ZNF599: variants seen among roughly 807,000 people sequenced by gnomAD.
The protein encoded by ZNF599 is zinc finger protein 599.
In ZNF599, 10 loss-of-function variants were observed where a neutral mutation model predicts 11.7. The ratio of observed to expected loss-of-function variants is 0.86; its 90% CI spans 0.53 to 1.45. The LOEUF is 1.45. Among genes scored for constraint, ZNF599 ranks in the 40% most tolerant of loss-of-function variants. ZNF599 has a pLI of 0.00. For missense variants in ZNF599, 688 were observed against 713.6 expected (o/e 0.96, Z 0.41); for synonymous variants, 232 against 253.2 (o/e 0.92, Z 0.79).
upstream of ZNF599, among the ~76,000 whole-genome samples, chr19:34,776,788 C>A (rs1290699191): frequency 3.3e-5 from 5 of 152,200 alleles, no homozygotes; most frequent in Admixed American, 6.5e-5. Flanking sequence ...CAGAGCAGGG[C>A]TACCCCATCG....
the ZNF599 span, among the ~76,000 whole-genome samples, chr19:34,805,653 C>T: frequency 6.6e-6 from 1 of 152,152 alleles, no homozygotes; most frequent in Admixed American, 6.5e-5. Flanking sequence ...CCTGCCTCCT[C>T]CCTCACTCTC....
the ZNF599 span, among the ~76,000 whole-genome samples, chr19:34,795,143 G>A: frequency 6.6e-6 from 1 of 152,178 alleles, no homozygotes; most frequent in East Asian, 1.9e-4. Flanking sequence ...AAAGATCAGT[G>A]GTAACAGAGC....
At chr19:34,802,778 G>A in the ZNF599 span, among the ~76,000 whole-genome samples, 1 of 152,060 alleles carries the variant, frequency 6.6e-6, no homozygotes, top group Non-Finnish European at 1.5e-5. Context: ...CACTTAATAG[G>A]GCCAGGACCC....
chr19:34,765,319 T>G, intron 3 of ZNF599: 1 of 486,942 alleles, frequency 2.1e-6, no homozygotes, highest in Non-Finnish European at 3.7e-6. Context: ...AAAATATATG[T>G]AATTTTATAA....
chr19:34,803,849 C>T, the ZNF599 span, among the ~76,000 whole-genome samples: 1 of 152,206 alleles, frequency 6.6e-6, no homozygotes, highest in African/African-American at 2.4e-5. Flanking sequence ...GACACACTCC[C>T]TCTCCATGTG....
rs1253279356 is a variant in ZNF599, at chr19:34,759,850, C to T, written c.951G>A (p.Gly317=). The part of the protein sequence containing the change: ...REKPFLCKEC[G]KAFYYSSSFA... ...ATGAGGAGCTGTAGTAAAAAGCTTT[C>T]CCACATTCTTTGCATAAAAAGGGTT... is the stretch of plus-strand genomic sequence containing the variant. Residue 317 remains glycine (G), a synonymous_variant, in exon 4 of 4, where the codon GGG becomes GGA. Transcript: ENST00000329285. 6.2e-7 allele frequency: 1 copy of T among 1,614,036 alleles called. No homozygotes were observed. The highest frequency in any genetic ancestry group is 8.5e-7 in the Non-Finnish European group (1 of 1,180,034).
intron 1 of ZNF599, chr19:34,772,414 A>G (rs1044403789): frequency 2.9e-6 from 3 of 1,022,232 alleles, no homozygotes; most frequent in Non-Finnish European, 3.5e-6. Flanking sequence ...CCCTAAAACA[A>G]CAGCAGGACC....
chr19:34,798,246 C>T, the ZNF599 span, among the ~76,000 whole-genome samples: 34 of 152,266 alleles, frequency 2.2e-4, no homozygotes, highest in African/African-American at 6.0e-4. Flanking sequence ...TAGATAAATG[C>T]GTTACAATCA....
intron 1 of ZNF599, among the ~76,000 whole-genome samples, chr19:34,770,432 C>T (rs1298750552): frequency 2.6e-5 from 4 of 152,196 alleles, no homozygotes; most frequent in African/African-American, 9.7e-5. Flanking sequence ...GAAAATATTG[C>T]CAGAGGTATG....
the ZNF599 span, among the ~76,000 whole-genome samples, chr19:34,786,247 C>T: frequency 6.6e-6 from 1 of 152,092 alleles, no homozygotes; most frequent in Non-Finnish European, 1.5e-5. Context: ...CCAGAATCCC[C>T]CCTTACCTCT....
the ZNF599 span, among the ~76,000 whole-genome samples, chr19:34,781,159 A>C: frequency 1.4e-5 from 2 of 140,690 alleles, no homozygotes; most frequent in Non-Finnish European, 3.2e-5. Context: ...CTGTCTCAAA[A>C]AAAAATAAAA....
At chr19:34,772,782 C>T in intron 1 of ZNF599, 42 bp downstream of exon 1, 1 of 1,535,102 alleles carries the variant, frequency 6.5e-7, no homozygotes, top group Non-Finnish European at 8.7e-7. Flanking sequence ...TGCATGCGGG[C>T]GGTGACCCGA....
chr19:34,759,395 T>TGTCCACTGTGG lies in ZNF599; in HGVS notation c.1405_1406insCCACAGTGGAC (p.His469ProfsTer34), dbSNP rs1440648368. 6.2e-7 allele frequency: 1 copy of TGTCCACTGTGG among 1,614,038 alleles called. No homozygotes were observed. Among genetic ancestry groups the TGTCCACTGTGG allele is most frequent in the Non-Finnish European group, 8.5e-7 (1 of 1,180,024 alleles). On this transcript the variant is annotated frameshift_variant, in exon 4 of 4. Coordinates refer to ENST00000329285, the MANE Select transcript of ZNF599 (RefSeq NM_001007248.3). LOFTEE classifies it low-confidence loss of function (END_TRUNC). ...TTTTTGTCCACTGTGGGTCCTATTA[T>TGTCCACTGTGG]GTCGAATAAAAACAGAGTGGTGTGT... is the stretch of plus-strand genomic sequence containing the variant.
In ZNF599 at chr19:34,758,302, C is replaced by G. The variant is rs1036922457; in HGVS notation, c.*732G>C. 1 of 152,186 alleles carries G rather than the reference C, an allele frequency of 6.6e-6. No individual in the cohort carries two copies. The highest frequency in any genetic ancestry group is 1.5e-5 in the Non-Finnish European group (1 of 68,048). 9.4% of individuals were successfully genotyped at this position (152,186 alleles called of 1,614,324 possible). ...AGTGTGCACAGAAAATTCACAGAAC[C>G]TAACTACCACGAGTAACAATTCACT... is the stretch of plus-strand genomic sequence containing the variant. On this transcript the variant is annotated 3_prime_UTR_variant, in exon 4 of 4. Coordinates refer to ENST00000329285, the MANE Select transcript of ZNF599 (RefSeq NM_001007248.3).
At chr19:34,773,254 G>T (rs1046978901), upstream of ZNF599, 1 of 203,940 alleles carries the variant, frequency 4.9e-6, no homozygotes, top group African/African-American at 2.3e-5. Flanking sequence ...GCCCCTCTGC[G>T]CCTTCCGTCT....
Position 34,760,179 on chromosome 19 carries a change from A to G in ZNF599, c.622T>C (p.Phe208Leu), listed in dbSNP as rs142547958. The G allele has an allele frequency of 5.3e-5, 86 of 1,613,970 alleles. 1 individual carries two copies. The highest frequency in any genetic ancestry group is 1.6e-4 in the Middle Eastern group (1 of 6,084). ...CGAACAAGGGCCCACTTCTTGCTAA[A>G]CCCTTTCCCACATTCCGTGCATGTG... Reference protein sequence around the residue: ...PYTCTECGKGFSKKWALVRHQ... With the variant: ...PYTCTECGKGLSKKWALVRHQ... Residue 208 changes from phenylalanine to leucine, a missense_variant, in exon 4 of 4, where the codon TTT becomes CTT. Transcript: ENST00000329285.
the ZNF599 span, among the ~76,000 whole-genome samples, chr19:34,790,979 C>G: frequency 6.6e-6 from 1 of 152,164 alleles, no homozygotes; most frequent in Non-Finnish European, 1.5e-5. Context: ...AATACCAATA[C>G]AAATAGCTAA....
chr19:34,777,406 A>C (rs1272979734), upstream of ZNF599, among the ~76,000 whole-genome samples: 6 of 93,042 alleles, frequency 6.4e-5, no homozygotes, highest in Non-Finnish European at 9.9e-5. Context: ...TATATATTAT[A>C]TATAATATAT....
chr19:34,786,076 A>G, the ZNF599 span, among the ~76,000 whole-genome samples: 1 of 152,118 alleles, frequency 6.6e-6, no homozygotes, highest in Non-Finnish European at 1.5e-5. Context: ...GGTAGGTCCT[A>G]ACCTCTGCAC....
Sources: gnomAD v4.1 joint callset for allele counts (sites outside exome capture counted in the v4.1 genomes callset) on GRCh38, gnomAD v4.1.1 for gene constraint, MANE v1.5 for transcripts, NCBI Gene and HGNC (gene_info 2026-07-23, HGNC 2026-07-21) for gene names.